The following MIDEAS variants were observed in gnomAD, a reference collection of about 807,000 sequenced individuals.
MIDEAS encodes mitotic deacetylase associated SANT domain protein.
MIDEAS carries 26 observed loss-of-function variants against 102.7 expected under a neutral mutation model. The observed-to-expected ratio is 0.25, with a 90% CI of 0.19 to 0.35. The LOEUF (loss-of-function observed/expected upper bound fraction) is 0.35, where lower values mean the gene tolerates loss of function less well. Ranked by LOEUF, MIDEAS falls within the 10% of genes least tolerant of loss-of-function variation. MIDEAS has a pLI of 1.00. For synonymous variants in MIDEAS, 585 were observed against 591.0 expected, an observed-to-expected ratio of 0.99 and a Z score of 0.15; for missense variants, 1,231 against 1,435.6, an observed-to-expected ratio of 0.86 and a Z score of 2.30.
intron 3 of MIDEAS, among the ~76,000 whole-genome samples, chr14:73,736,707 G>A (rs976401395): frequency 6.6e-6 from 1 of 151,704 alleles, no homozygotes; most frequent in African/African-American, 2.4e-5. Context: ...CACCCAGCAC[G>A]GGCCAAATCA....
chr14:73,764,878 G>A (rs1051142153), upstream of MIDEAS, among the ~76,000 whole-genome samples: 1 of 152,158 alleles, frequency 6.6e-6, no homozygotes, highest in African/African-American at 2.4e-5. Flanking sequence ...GCCAGGTTCT[G>A]AGTGCCTTTG....
chr14:73,779,633 A>AGT (rs1264463345), intron 1 of MIDEAS, among the ~76,000 whole-genome samples: 1 of 131,344 alleles, frequency 7.6e-6, no homozygotes, highest in East Asian at 2.4e-4. Context: ...TGCGGACTGC[A>AGT]GTGGCGCAAT....
rs1038865338 is a variant in MIDEAS at position 73,759,469 on chromosome 14, G to A, written c.-248+294C>T. The stretch of plus-strand genomic sequence containing the variant: ...GCGGGGGCCGCGCGCAAGCTGCGTA[G>A]CTGCACAAACACCGCGGGGCTGCGC... On this transcript the variant is annotated intron_variant, in intron 1 of 12. Transcript: ENST00000423556. The surrounding 1 kb of genome is among the most constrained non-coding windows in gnomAD (Gnocchi z 6.7). Among the ~76,000 whole-genome samples, 2 of 151,358 alleles carry A rather than the reference G, an allele frequency of 1.3e-5. No homozygotes were observed. Among genetic ancestry groups the A allele is most frequent in the African/African-American group, 4.8e-5 (2 of 41,284 alleles).
At chr14:73,728,316 A>C (rs2053091623) in intron 4 of MIDEAS, 1 of 151,528 alleles carries the variant, frequency 6.6e-6, no homozygotes, top group Admixed American at 6.6e-5. Flanking sequence ...TGTGAGATAA[A>C]ACCTGCAACC....
At chr14:73,770,395 CAAT>C (rs768988031) in intron 1 of MIDEAS, among the ~76,000 whole-genome samples, 175 of 152,056 alleles carry the variant, frequency 1.2e-3, no homozygotes, top group Non-Finnish European at 2.1e-3. Context: ...GTGATGATGA[CAAT>C]GATGATGTAA....
At chr14:73,730,724 G>A (rs114187225) in intron 3 of MIDEAS, among the ~76,000 whole-genome samples, 2 of 151,680 alleles carry the variant, frequency 1.3e-5, no homozygotes, top group Non-Finnish European at 1.5e-5. Flanking sequence ...AGGTCGAGGT[G>A]GGGGGGAGGG....
At chr14:73,788,210 C>T (rs1173786408), upstream of MIDEAS, among the ~76,000 whole-genome samples, 1 of 150,564 alleles carries the variant, frequency 6.6e-6, no homozygotes, top group Non-Finnish European at 1.5e-5. Context: ...ATAACAGAAA[C>T]ATTAGCTTCA....
intron 1 of MIDEAS, among the ~76,000 whole-genome samples, chr14:73,749,957 A>C (rs1159973136): frequency 6.6e-6 from 1 of 152,162 alleles, no homozygotes; most frequent in Non-Finnish European, 1.5e-5. Context: ...CCGACATCAA[A>C]ACAACTAGGG....
At chr14:73,776,381 T>A (rs970696049) in intron 1 of MIDEAS, among the ~76,000 whole-genome samples, 91 of 151,952 alleles carry the variant, frequency 6.0e-4, no homozygotes, top group African/African-American at 2.1e-3. Flanking sequence ...CCAAACAGAT[T>A]AAGCTCAAGA....
intron 3 of MIDEAS, among the ~76,000 whole-genome samples, chr14:73,734,725 C>T (rs2140115579): frequency 6.6e-6 from 1 of 152,238 alleles, no homozygotes; most frequent in South Asian, 2.1e-4. Flanking sequence ...ACCCACTGCA[C>T]CTGGCCTCCT....
At position 73,760,191 on chromosome 14, in the gene MIDEAS, G is replaced by C. The variant is rs1336528883; in HGVS notation, c.-676C>G. On this transcript the variant is annotated 5_prime_UTR_variant, in exon 1 of 13. Coordinates refer to ENST00000423556, the MANE Select transcript of MIDEAS (RefSeq NM_001367710.1). The surrounding 1 kb of genome is among the most constrained non-coding windows in gnomAD (Gnocchi z 4.8). ...GCAACAGCGGAGGAGGAGGACTCTGGCGTGCTACAAAGGATTGCACAACTC... is the reference window on the plus strand; with the variant it reads ...GCAACAGCGGAGGAGGAGGACTCTGCCGTGCTACAAAGGATTGCACAACTC... 6.6e-6 allele frequency: 1 copy of C among 152,058 alleles called. No homozygotes were observed. Among genetic ancestry groups the C allele is most frequent in the African/African-American group, 2.4e-5 (1 of 41,292 alleles). 9.4% of individuals were successfully genotyped at this position (152,058 alleles called of 1,614,324 possible). A position where few individuals can be genotyped will look rare whatever the true frequency, so the allele number is the denominator to read the frequency against.
intron 3 of MIDEAS, among the ~76,000 whole-genome samples, chr14:73,731,870 GA>G: frequency 6.6e-6 from 1 of 152,330 alleles, no homozygotes; most frequent in Non-Finnish European, 1.5e-5. Context: ...ATGCATGAAA[GA>G]AAGTATCTGT....
chr14:73,771,272 T>C (rs994199266), intron 1 of MIDEAS, among the ~76,000 whole-genome samples: 1 of 152,190 alleles, frequency 6.6e-6, no homozygotes, highest in Non-Finnish European at 1.5e-5. Flanking sequence ...AAATATACAC[T>C]GGAGATAACC....
chr14:73,774,037 A>G (rs79993503), intron 1 of MIDEAS, among the ~76,000 whole-genome samples: 1 of 150,924 alleles, frequency 6.6e-6, no homozygotes, highest in Non-Finnish European at 1.5e-5. Context: ...AAAAAAAAAA[A>G]AGAAAAAAGA....
At chr14:73,755,177 G>A (rs1395100974) in intron 1 of MIDEAS, among the ~76,000 whole-genome samples, 2 of 152,220 alleles carry the variant, frequency 1.3e-5, no homozygotes, top group Non-Finnish European at 2.9e-5. Context: ...GCTGGCCACA[G>A]CACGAGGCTG....
At position 73,725,836 on chromosome 14, in the gene MIDEAS, C is replaced by G. The variant is rs1473462661; in HGVS notation, c.2485+197G>C. On this transcript the variant is annotated intron_variant, in intron 8 of 12. Transcript: ENST00000423556. This position sits in a 1 kb window ranked among gnomAD's most constrained non-coding sequence, Gnocchi z 4.1. The stretch of plus-strand genomic sequence containing the variant: ...TCTCCCACCTGCCCACTCCCTTCTC[C>G]CCTCCCCTCCAGGGCACAGGAAACC... Among the ~76,000 whole-genome samples, 1 of 152,132 alleles carries G rather than the reference C, an allele frequency of 6.6e-6. No homozygotes were observed. The highest frequency in any genetic ancestry group is 6.5e-5 in the Admixed American group (1 of 15,278).
chr14:73,719,390 G>A lies in MIDEAS; in HGVS notation c.3049C>T (p.Pro1017Ser). ...GTTTTTTTCTTCTTCTCTGAAAAAG[G>A]TAGTGCCCTTCGTGACTTCCCTGTC... ...EGTGKSRRALPFSEKKKKTET... is the reference protein window; with the variant it reads ...EGTGKSRRALSFSEKKKKTET... Residue 1017 changes from proline to serine, a missense_variant, in exon 12 of 13, where the codon CCT (proline) becomes TCT (serine). By Grantham distance (74) the Pro-to-Ser change is moderately conservative. Coordinates refer to ENST00000423556, the MANE Select transcript of MIDEAS (RefSeq NM_001367710.1). The A allele has an allele frequency of 1.9e-6, 3 of 1,614,072 alleles. No individual in the cohort carries two copies. Among genetic ancestry groups the A allele is most frequent in the Non-Finnish European group, 2.5e-6 (3 of 1,180,004 alleles).
In MIDEAS at chr14:73,780,647, T is replaced by C. The variant is rs139182122; in HGVS notation, c.-248+6455A>G. ...CCGGTGAGGACAGTTGGCCCTGCAT[T>C]AACTGGCTGTTCAAAGAGTGCCATG... On this transcript the variant is annotated intron_variant, in intron 1 of 11. Coordinates refer to the MIDEAS transcript ENST00000394071. 2.4e-3 allele frequency among the ~76,000 whole-genome samples: 364 copies of C among 152,342 alleles called. 3 individuals carry two copies. Among genetic ancestry groups the C allele is most frequent in the Non-Finnish European group, 3.8e-3 (259 of 68,036 alleles).
Position 73,719,322 on chromosome 14 carries a change from G to T in MIDEAS, c.3117C>A (p.Pro1039=). 1 of 1,590,546 alleles carries T rather than the reference G, an allele frequency of 6.3e-7. No individual in the cohort carries two copies. The highest frequency in any genetic ancestry group is 8.6e-7 in the Non-Finnish European group (1 of 1,165,320). The change falls in exon 12 of 13, where the codon CCC becomes CCA. Residue 1039 remains proline (P), a synonymous_variant. Coordinates refer to ENST00000423556, the MANE Select transcript of MIDEAS (RefSeq NM_001367710.1). ...CACCTTACCTGCCACATTTTTTACA[G>T]GGGAAAGTGTTCTCCTGATTCTGGG... is the stretch of plus-strand genomic sequence containing the variant. ...SKTQNQENTF[P]CKKCGRVFYK...
Sources: gnomAD v4.1 joint callset for allele counts (sites outside exome capture counted in the v4.1 genomes callset) on GRCh38, gnomAD v4.1.1 for gene constraint, Gnocchi (gnomAD v3.1) non-coding constraint, MANE v1.5 for transcripts, NCBI Gene and HGNC (gene_info 2026-07-23, HGNC 2026-07-21) for gene names.